Variants in NTAQ1 observed in about 807,000 individuals in gnomAD.
The protein encoded by NTAQ1 is N-terminal glutamine amidase 1.
Under a neutral mutation model 28.2 loss-of-function variants are expected in NTAQ1, and 21 were observed. The ratio of observed to expected loss-of-function variants is 0.74; its 90% CI spans 0.53 to 1.07. NTAQ1 has a LOEUF of 1.07. NTAQ1 is among the 50% of genes least tolerant of loss of function. NTAQ1 has a pLI of 0.00. For missense variants in NTAQ1, 264 were observed against 256.6 expected, an observed-to-expected ratio of 1.03 and a Z score of -0.20; for synonymous variants, 105 against 90.0, an observed-to-expected ratio of 1.17 and a Z score of -0.94.
At chr8:123,417,775 G>A (rs185441968) in intron 1 of NTAQ1, among the ~76,000 whole-genome samples, 1 of 152,204 alleles carries the variant, frequency 6.6e-6, no homozygotes, top group East Asian at 1.9e-4. Context: ...GTCAGGCTCA[G>A]TGGCAGGTGC....
At chr8:123,443,720 G>A (rs1250085164), downstream of NTAQ1, among the ~76,000 whole-genome samples, 3 of 152,124 alleles carry the variant, frequency 2.0e-5, no homozygotes, top group Admixed American at 6.5e-5. Context: ...GACTACAGGC[G>A]TGCCACAGTG....
chr8:123,425,918 G>A (rs2130194535), intron 1 of NTAQ1, among the ~76,000 whole-genome samples: 1 of 152,280 alleles, frequency 6.6e-6, no homozygotes, highest in Non-Finnish European at 1.5e-5. Context: ...CAGCTACTTG[G>A]GAGGCTGAGG....
downstream of NTAQ1, among the ~76,000 whole-genome samples, chr8:123,444,381 G>A (rs1815192584): frequency 6.6e-6 from 1 of 152,054 alleles, no homozygotes; most frequent in South Asian, 2.1e-4. Context: ...TGTATTTTTA[G>A]TAGAGATGGG....
intron 3 of NTAQ1, among the ~76,000 whole-genome samples, chr8:123,431,916 C>G (rs886375758): frequency 6.6e-6 from 1 of 152,182 alleles, no homozygotes; most frequent in Non-Finnish European, 1.5e-5. Context: ...TGTTGCTGAA[C>G]AGCTTAGCTG....
At chr8:123,432,746 C>T (rs1814473438) in intron 3 of NTAQ1, among the ~76,000 whole-genome samples, 1 of 147,214 alleles carries the variant, frequency 6.8e-6, no homozygotes, top group Non-Finnish European at 1.5e-5. Context: ...GTGGTGTGAT[C>T]TCGGCTCACT....
intron 6 of NTAQ1, among the ~76,000 whole-genome samples, chr8:123,458,048 A>G (rs1210496228): frequency 1.2e-5 from 1 of 82,412 alleles, no homozygotes; most frequent in African/African-American, 3.9e-5. Flanking sequence ...AAAAAAAAAA[A>G]AAAGATTTAA....
chr8:123,439,896 A>G lies in NTAQ1; in HGVS notation c.509-1410A>G, dbSNP rs962073080. On this transcript the variant is annotated intron_variant, in intron 5 of 5. Transcript: ENST00000287387. Reference sequence around the variant, plus strand: ...TTGAATCTGGGAGGTGGAGGTCGCAATGAGCCAAAATTGCACCACTGCACT... The same window carrying G: ...TTGAATCTGGGAGGTGGAGGTCGCAGTGAGCCAAAATTGCACCACTGCACT... Among the ~76,000 whole-genome samples, 9 of 151,962 alleles carry G rather than the reference A, an allele frequency of 5.9e-5. No homozygotes were observed. In the East Asian group the frequency reaches 1.6e-3, roughly 27 times the overall value.
intron 3 of NTAQ1, among the ~76,000 whole-genome samples, chr8:123,430,292 A>G (rs1814319066): frequency 6.6e-6 from 1 of 152,212 alleles, no homozygotes; most frequent in Non-Finnish European, 1.5e-5. Flanking sequence ...GACTCTTACC[A>G]TTTAGCACAG....
At chr8:123,438,803 C>A (rs777829238) in intron 5 of NTAQ1, among the ~76,000 whole-genome samples, 3 of 152,140 alleles carry the variant, frequency 2.0e-5, no homozygotes, top group Non-Finnish European at 4.4e-5. Context: ...ATGAAAAGCT[C>A]TCATAATTTA....
intron 1 of NTAQ1, among the ~76,000 whole-genome samples, chr8:123,421,572 G>A (rs1004922704): frequency 7.4e-5 from 11 of 148,454 alleles, no homozygotes; most frequent in African/African-American, 2.2e-4. Context: ...GCAGTGGCTC[G>A]ATCTCGGCTC....
At chr8:123,440,093 C>T (rs996625662) in intron 5 of NTAQ1, among the ~76,000 whole-genome samples, 16 of 149,064 alleles carry the variant, frequency 1.1e-4, no homozygotes, top group Admixed American at 3.3e-4. Flanking sequence ...ACCTTGGCCT[C>T]CCAAAATACT....
At chr8:123,428,074 T>TA (rs759990294) in intron 2 of NTAQ1, 51 bp downstream of exon 2, 1 of 1,313,740 alleles carries the variant, frequency 7.6e-7, no homozygotes, top group African/African-American at 2.0e-5. Flanking sequence ...AGGATGACAT[T>TA]AGAAGCTAAA....
chr8:123,430,138 T>C, intron 3 of NTAQ1, 105 bp downstream of exon 3: 4 of 692,798 alleles, frequency 5.8e-6, no homozygotes, highest in South Asian at 2.6e-5. Flanking sequence ...AGAGAAAGGC[T>C]ATGGTAATTA....
At chr8:123,435,643 G>A (rs1814659924) in intron 3 of NTAQ1, 2 of 539,814 alleles carry the variant, frequency 3.7e-6, no homozygotes, top group South Asian at 1.6e-4. Context: ...GAGGCGGGGG[G>A]ATCACTTGAG....
Position 123,442,018 on chromosome 8 carries a change from G to A in NTAQ1, c.*603G>A, listed in dbSNP as rs1038138358. 6.6e-6 allele frequency: 1 copy of A among 152,570 alleles called. No homozygotes were observed. The highest frequency in any genetic ancestry group is 2.4e-5 in the African/African-American group (1 of 41,422). 9.5% of individuals were successfully genotyped at this position (152,570 alleles called of 1,614,324 possible). On this transcript the variant is annotated 3_prime_UTR_variant, in exon 6 of 6. Transcript: ENST00000287387. Reference sequence around the variant, plus strand: ...TGGCTTTAAATAAAATCGATTTAACGTTAGTTTTGTTTTGAAGATTTTTGT... The same window carrying A: ...TGGCTTTAAATAAAATCGATTTAACATTAGTTTTGTTTTGAAGATTTTTGT...
intron 2 of NTAQ1, among the ~76,000 whole-genome samples, chr8:123,429,191 A>G (rs1814249493): frequency 6.6e-6 from 1 of 152,208 alleles, no homozygotes; most frequent in Non-Finnish European, 1.5e-5. Flanking sequence ...CCCTATGAAT[A>G]ATTAAATGGG....
At chr8:123,457,769 C>T (rs1443988829) in intron 6 of NTAQ1, among the ~76,000 whole-genome samples, 5 of 151,966 alleles carry the variant, frequency 3.3e-5, no homozygotes, top group Admixed American at 1.3e-4. Context: ...CGCAGTGGCT[C>T]ACGCCTGTAA....
intron 1 of NTAQ1, among the ~76,000 whole-genome samples, chr8:123,420,312 T>C (rs1241661667): frequency 1.3e-5 from 2 of 152,212 alleles, no homozygotes; most frequent in Admixed American, 1.3e-4. Context: ...CTTGATCCAG[T>C]TCACCATTGA....
intron 4 of NTAQ1, among the ~76,000 whole-genome samples, chr8:123,436,946 A>C (rs1471717985): frequency 2.0e-5 from 3 of 152,152 alleles, no homozygotes; most frequent in Non-Finnish European, 2.9e-5. Flanking sequence ...AGCATCAGAA[A>C]ATCATGCCCA....
Sources: gnomAD v4.1 joint callset for allele counts (sites outside exome capture counted in the v4.1 genomes callset) on GRCh38, gnomAD v4.1.1 for gene constraint, MANE v1.5 for transcripts, NCBI Gene and HGNC (gene_info 2026-07-23, HGNC 2026-07-21) for gene names.